APOA4: variants seen among roughly 807,000 people sequenced by gnomAD.
APOA4 encodes apolipoprotein A-IV.
Under a neutral mutation model 33.6 loss-of-function variants are expected in APOA4, and 25 were observed. That is an observed-to-expected ratio of 0.74 (90% CI 0.54 to 1.04). APOA4 has a LOEUF of 1.04. APOA4 is among the 50% of genes least tolerant of loss of function. The pLI is 0.00. For synonymous variants in APOA4, 228 were observed against 224.0 expected (o/e 1.02, Z -0.16); for missense variants, 549 against 510.4 (o/e 1.08, Z -0.73).
In APOA4 at chr11:116,821,251, G is replaced by C. The variant is rs188763855; in HGVS notation, c.807C>G (p.Pro269=). The C allele has an allele frequency of 2.5e-6, 4 of 1,613,134 alleles. No homozygotes were observed. The highest frequency in any genetic ancestry group is 4.5e-5 in the East Asian group (2 of 44,878). The change falls in exon 3 of 3, where the codon CCC becomes CCG. Residue 269 remains proline (P), a synonymous_variant. Coordinates refer to ENST00000357780, the MANE Select transcript of APOA4 (RefSeq NM_000482.4). ...GGTTGCCACGCACGTCCTCGGCCAA[G>C]GGCGCCAGCCTCTGCCGCAGCTCCT... ...SAEELRQRLA[P]LAEDVRGNLR...
rs1462148995 is a variant in APOA4, at chr11:116,821,383, G to C, written c.675C>G (p.Pro225=). The C allele has an allele frequency of 6.2e-7, 1 of 1,614,034 alleles. No individual in the cohort carries two copies. Among genetic ancestry groups the C allele is most frequent in the Non-Finnish European group, 8.5e-7 (1 of 1,180,026 alleles). ...GCTTCTCCTGCGTGTCCTGAGCATA[G>C]GGAGCCAGGCTGCGGCGCAGCTCCT... ...TVEELRRSLA[P]YAQDTQEKLN... Residue 225 remains proline, a synonymous_variant, in exon 3 of 3, where the codon CCC becomes CCG. Transcript: ENST00000357780.
Position 116,821,042 on chromosome 11 carries a change from T to C in APOA4, c.1016A>G (p.His339Arg), listed in dbSNP as rs760598613. Residue 339 changes from histidine (H) to arginine (R), a missense_variant, in exon 3 of 3, where the codon CAC (histidine) becomes CGC (arginine). Transcript: ENST00000357780. ...LGPHAGDVEG[H>R]LSFLEKDLRD... ...CAGGTCCTTCTCCAGGAAGCTCAAG[T>C]GGCCTTCCACGTCCCCCGCATGGGG... 2 of 1,614,224 alleles carry C rather than the reference T, an allele frequency of 1.2e-6. No homozygotes were observed. The highest frequency in any genetic ancestry group is 2.2e-5 in the South Asian group (2 of 91,088).
Position 116,821,559 on chromosome 11 carries a change from C to T in APOA4, c.499G>A (p.Val167Met). The part of the protein sequence containing the change: ...LTPYAQRMER[V>M]LRENADSLQA... Reference sequence around the variant, plus strand: ...AGGCTGTCGGCGTTCTCCCGCAGCACTCTCTCCATGCGCTGTGCGTAGGGG... The same window carrying T: ...AGGCTGTCGGCGTTCTCCCGCAGCATTCTCTCCATGCGCTGTGCGTAGGGG... The change falls in exon 3 of 3, where the codon GTG becomes ATG. Residue 167 changes from valine (V) to methionine (M), a missense_variant. Val to Met is a conservative substitution (Grantham distance 21). Coordinates refer to ENST00000357780, the MANE Select transcript of APOA4 (RefSeq NM_000482.4). 2 of 1,612,194 alleles carry T rather than the reference C, an allele frequency of 1.2e-6. No homozygotes were observed. The highest frequency in any genetic ancestry group is 1.3e-5 in the African/African-American group (1 of 75,064).
At chr11:116,822,336 C>T (rs1211730469) in intron 2 of APOA4, among the ~76,000 whole-genome samples, 1 of 152,136 alleles carries the variant, frequency 6.6e-6, no homozygotes, top group African/African-American at 2.4e-5. Context: ...CCCTTGATTC[C>T]ACTGGGGCCT....
At position 116,821,290 on chromosome 11, in the gene APOA4, G is replaced by C. The variant is rs1471467059; in HGVS notation, c.768C>G (p.Ile256Met). The stretch of plus-strand genomic sequence containing the variant: ...GCCGCAGCTCCTCGGCACTGGCCGA[G>C]ATCCTGGCCTTGAGCTCCTCGGCGT... ...KKNAEELKAR[I>M]SASAEELRQR... Residue 256 changes from isoleucine (I) to methionine (M), a missense_variant, in exon 3 of 3, where the codon ATC (isoleucine) becomes ATG (methionine). Ile to Met is a conservative substitution (Grantham distance 10, BLOSUM62 1). Transcript: ENST00000357780. The C allele has an allele frequency of 2.5e-6, 4 of 1,613,760 alleles. No homozygotes were observed. The Admixed American group carries it at 5.0e-5, about 20-fold the overall frequency.
At position 116,821,108 on chromosome 11, in the gene APOA4, G is replaced by A; in HGVS notation, c.950C>T (p.Ala317Val). 2 of 1,614,020 alleles carry A rather than the reference G, an allele frequency of 1.2e-6. No homozygotes were observed. Among genetic ancestry groups the A allele is most frequent in the South Asian group, 1.1e-5 (1 of 91,090 alleles). Residue 317 changes from alanine (A) to valine (V), a missense_variant, in exon 3 of 3, where the codon GCC (alanine) becomes GTC (valine). Coordinates refer to ENST00000357780, the MANE Select transcript of APOA4 (RefSeq NM_000482.4). Reference protein sequence around the residue: ...VEPYGENFNKALVQQMEQLRQ... With the variant: ...VEPYGENFNKVLVQQMEQLRQ... ...GAGCTGTTCCATCTGCTGCACCAGG[G>A]CTTTGTTGAAGTTTTCCCCGTAGGG... is the stretch of plus-strand genomic sequence containing the variant.
chr11:116,823,158 G>A lies in APOA4; in HGVS notation c.34C>T (p.Leu12=), dbSNP rs1941344759. The change falls in exon 1 of 3, where the codon CTG becomes TTG. Residue 12 remains leucine (L), a synonymous_variant. Transcript: ENST00000357780. ...TTCTACTCACCGGCGACAGCCACCA[G>A]GGCCAGGGTCAGGACCACGGCCTTC... is the stretch of plus-strand genomic sequence containing the variant. The part of the protein sequence containing the change: ...FLKAVVLTLA[L]VAVAGARAEV... 6.2e-7 allele frequency: 1 copy of A among 1,614,004 alleles called. No homozygotes were observed. Among genetic ancestry groups the A allele is most frequent in the Non-Finnish European group, 8.5e-7 (1 of 1,180,040 alleles).
rs1941312797 is a variant in APOA4, at chr11:116,820,983, T to C, written c.1075A>G (p.Lys359Glu). Residue 359 changes from lysine to glutamate, a missense_variant, in exon 3 of 3, where the codon AAG (lysine) becomes GAG (glutamate). Transcript: ENST00000357780. ...DKVNSFFSTF[K>E]EKESQDKTLS... The stretch of plus-strand genomic sequence containing the variant: ...GTCTTGTCCTGGCTCTCTTTCTCCT[T>C]GAAGGTGCTGAAGAAGGAGTTGACC... 8 of 1,614,208 alleles carry C rather than the reference T, an allele frequency of 5.0e-6. No homozygotes were observed. In the East Asian group the frequency reaches 1.6e-4, roughly 31 times the overall value.
Position 116,821,940 on chromosome 11 carries a change from G to T in APOA4, c.177-59C>A, listed in dbSNP as rs1343779534. The T allele has an allele frequency of 3.1e-6, 5 of 1,602,182 alleles. No homozygotes were observed. The African/African-American group carries it at 5.3e-5, about 17-fold the overall frequency. ...TTTGGCATTTACACGGCAAGACTTT[G>T]TCTGCTTGTATACCACTCGCCTTAT... On this transcript the variant is annotated intron_variant, in intron 2 of 2. Transcript: ENST00000357780.
intron 2 of APOA4, 110 bp downstream of exon 2, chr11:116,822,549 C>G (rs879200496): frequency 5.9e-6 from 9 of 1,530,372 alleles, no homozygotes; most frequent in East Asian, 4.5e-5. Flanking sequence ...AGTGGCAGGG[C>G]AGTGGGTATC....
At position 116,822,648 on chromosome 11, in the gene APOA4, G is replaced by A. The variant is rs757360635; in HGVS notation, c.176+11C>T. ...TTCCCCGTCACCACCGCACACTGTAGTCCCTCTTACTTGAGTTGCTGGGTG... is the reference window on the plus strand; with the variant it reads ...TTCCCCGTCACCACCGCACACTGTAATCCCTCTTACTTGAGTTGCTGGGTG... On this transcript the variant is annotated intron_variant, in intron 2 of 2. Coordinates refer to ENST00000357780, the MANE Select transcript of APOA4 (RefSeq NM_000482.4). 5 of 1,614,190 alleles carry A rather than the reference G, an allele frequency of 3.1e-6. No homozygotes were observed. The highest frequency in any genetic ancestry group is 4.2e-6 in the Non-Finnish European group (5 of 1,180,044).
chr11:116,823,238 C>T lies in APOA4; in HGVS notation c.-47G>A. Reference sequence around the variant, plus strand: ...GAGGAGTTTCTTGCCACACTGGATCCTCCCTACAATCAGGGGAGCTGACAG... The same window carrying T: ...GAGGAGTTTCTTGCCACACTGGATCTTCCCTACAATCAGGGGAGCTGACAG... On this transcript the variant is annotated 5_prime_UTR_variant, in exon 1 of 3. Transcript: ENST00000357780. 1 of 1,611,470 alleles carries T rather than the reference C, an allele frequency of 6.2e-7. No homozygotes were observed. The highest frequency in any genetic ancestry group is 8.5e-7 in the Non-Finnish European group (1 of 1,177,684).
Position 116,820,942 on chromosome 11 carries a change from C to T in APOA4, c.1116G>A (p.Glu372=). Residue 372 remains glutamate, a synonymous_variant, in exon 3 of 3, where the codon GAG becomes GAA. Coordinates refer to ENST00000357780, the MANE Select transcript of APOA4 (RefSeq NM_000482.4). The part of the protein sequence containing the change: ...ESQDKTLSLP[E]LEQQQEQQQE... ...GCTGCTGTTCCTGCTGTTGCTCCAG[C>T]TCAGGGAGGGAGAGAGTCTTGTCCT... 1 of 1,614,236 alleles carries T rather than the reference C, an allele frequency of 6.2e-7. No individual in the cohort carries two copies.
chr11:116,821,934 G>C, intron 2 of APOA4, 53 bp from the exon 3 acceptor site: 2 of 1,603,812 alleles, frequency 1.2e-6, no homozygotes, highest in Non-Finnish European at 1.7e-6. Flanking sequence ...TACACGGCAA[G>C]ACTTTGTCTG....
chr11:116,823,049 A>T (rs1941343672), intron 1 of APOA4, 94 bp downstream of exon 1: 1 of 1,515,226 alleles, frequency 6.6e-7, no homozygotes, highest in East Asian at 2.3e-5. Flanking sequence ...GCTGATGGGC[A>T]CTCAGAAGTG....
chr11:116,823,252 G>C lies in APOA4; in HGVS notation c.-61C>G, dbSNP rs1365477755. On this transcript the variant is annotated 5_prime_UTR_variant, in exon 1 of 3. Transcript: ENST00000357780. ...CACACTGGATCCTCCCTACAATCAG[G>C]GGAGCTGACAGAGAGGTCCTCAGGA... 5 of 1,601,838 alleles carry C rather than the reference G, an allele frequency of 3.1e-6. No homozygotes were observed. The highest frequency in any genetic ancestry group is 3.4e-6 in the Non-Finnish European group (4 of 1,169,012).
In APOA4 at chr11:116,822,661, G is replaced by C. The variant is rs377619789; in HGVS notation, c.174C>G (p.Leu58=). 1.2e-6 allele frequency: 2 copies of C among 1,614,096 alleles called. No individual in the cohort carries two copies. The highest frequency in any genetic ancestry group is 2.7e-5 in the African/African-American group (2 of 74,924). The part of the protein sequence containing the change: ...HLQKSELTQQ[L]NALFQDKLGE... ...CCGCACACTGTAGTCCCTCTTACTT[G>C]AGTTGCTGGGTGAGTTCAGATTTCT... Residue 58 remains leucine, a splice_region_variant and synonymous_variant, in exon 2 of 3, where the codon CTC becomes CTG. Transcript: ENST00000357780.
At chr11:116,823,047 G>A in intron 1 of APOA4, 96 bp downstream of exon 1, 2 of 1,494,992 alleles carry the variant, frequency 1.3e-6, no homozygotes, top group Non-Finnish European at 9.3e-7. Flanking sequence ...GGGCTGATGG[G>A]CACTCAGAAG....
In APOA4 at chr11:116,821,157, C is replaced by G. The variant is rs1941315652; in HGVS notation, c.901G>C (p.Glu301Gln). ...GGCTCCACCCGGCGTCGGAACTCCT[C>G]CACCTGCTGGTCCAGGTGCCCACCC... The part of the protein sequence containing the change: ...ELGGHLDQQV[E>Q]EFRRRVEPYG... Residue 301 changes from glutamate (E) to glutamine (Q), a missense_variant, in exon 3 of 3, where the codon GAG becomes CAG. Glu to Gln is a conservative substitution (Grantham distance 29). Coordinates refer to ENST00000357780, the MANE Select transcript of APOA4 (RefSeq NM_000482.4). The G allele has an allele frequency of 1.2e-6, 2 of 1,613,612 alleles. No individual in the cohort carries two copies. Among genetic ancestry groups the G allele is most frequent in the Middle Eastern group, 1.6e-4 (1 of 6,062 alleles).
Sources: gnomAD v4.1 joint callset for allele counts (sites outside exome capture counted in the v4.1 genomes callset) on GRCh38, gnomAD v4.1.1 for gene constraint, MANE v1.5 for transcripts, NCBI Gene and HGNC (gene_info 2026-07-23, HGNC 2026-07-21) for gene names.